Variants in VAV2 observed in about 807,000 individuals in gnomAD.
VAV2 encodes guanine nucleotide exchange factor VAV2.
In VAV2, 67 loss-of-function variants were observed where a neutral mutation model predicts 132.5. That is an observed-to-expected ratio of 0.51 (90% CI 0.42 to 0.62). VAV2 has a LOEUF of 0.62. VAV2 is among the 20% of genes least tolerant of loss of function. The pLI is 0.00. For synonymous variants in VAV2, 492 were observed against 443.5 expected, an observed-to-expected ratio of 1.11 and a Z score of -1.37; for missense variants, 938 against 1,153.6, an observed-to-expected ratio of 0.81 and a Z score of 2.71.
chr9:133,810,998 G>A (rs953108808), intron 5 of VAV2, among the ~76,000 whole-genome samples: 1 of 152,218 alleles, frequency 6.6e-6, no homozygotes, highest in African/African-American at 2.4e-5. Context: ...GACCTCTCAG[G>A]CCAGCTCCGG....
At chr9:133,952,607 A>G (rs374321918) in intron 1 of VAV2, among the ~76,000 whole-genome samples, 669 of 58,162 alleles carry the variant, frequency 0.012, 2 homozygotes, top group African/African-American at 0.033. Flanking sequence ...TGTCTCGGGG[A>G]AAAAAAAAAC....
rs1428133951 is a variant in VAV2 at position 133,918,730 on chromosome 9, C to T, written c.321+20373G>A. Among the ~76,000 whole-genome samples, 3 of 151,832 alleles carry T rather than the reference C, an allele frequency of 2.0e-5. No individual in the cohort carries two copies. In the East Asian group the frequency reaches 5.8e-4, roughly 29 times the overall value. On this transcript the variant is annotated intron_variant, in intron 2 of 29. Coordinates refer to ENST00000371850, the MANE Select transcript of VAV2 (RefSeq NM_001134398.2). The surrounding 1 kb of genome is among the most constrained non-coding windows in gnomAD (Gnocchi z 4.7). ...AGTCCCATTCTCAACCCCTGGGCTC[C>T]TAAGCCTCCCAAGAAGCAGCCGCCA...
At chr9:133,813,581 G>C (rs1835441212) in intron 4 of VAV2, among the ~76,000 whole-genome samples, 1 of 152,258 alleles carries the variant, frequency 6.6e-6, no homozygotes, top group South Asian at 2.1e-4. Context: ...TGTGGGCAAA[G>C]CATCTGTGCC....
chr9:133,859,644 CA>C (rs373814519), intron 3 of VAV2, among the ~76,000 whole-genome samples: 29 of 145,204 alleles, frequency 2.0e-4, no homozygotes, highest in Admixed American at 3.4e-4. Context: ...CAAAACAAAA[CA>C]AAAAAAAAAC....
intron 2 of VAV2, among the ~76,000 whole-genome samples, chr9:133,902,852 G>A (rs1839496320): frequency 6.6e-6 from 1 of 152,124 alleles, no homozygotes; most frequent in African/African-American, 2.4e-5. Flanking sequence ...CAGGTGGATG[G>A]ATCACTTGAG....
chr9:133,873,618 C>T (rs1475607867), intron 2 of VAV2, among the ~76,000 whole-genome samples: 1 of 152,194 alleles, frequency 6.6e-6, no homozygotes, highest in African/African-American at 2.4e-5. Flanking sequence ...AATGCCAGCA[C>T]GGAAGCCCTG....
intron 2 of VAV2, among the ~76,000 whole-genome samples, chr9:133,869,329 G>A (rs1021190688): frequency 6.6e-6 from 1 of 152,116 alleles, no homozygotes; most frequent in African/African-American, 2.4e-5. Context: ...TTTAAGGCCA[G>A]GTGCAGTGGC....
chr9:133,882,816 G>A (rs528556523), intron 2 of VAV2, among the ~76,000 whole-genome samples: 1 of 152,154 alleles, frequency 6.6e-6, no homozygotes, highest in South Asian at 2.1e-4. Context: ...GACCCCTGGG[G>A]CCCCTGAACC....
intron 2 of VAV2, among the ~76,000 whole-genome samples, chr9:133,929,916 A>C (rs1297158880): frequency 1.3e-5 from 2 of 152,178 alleles, no homozygotes; most frequent in Non-Finnish European, 2.9e-5. Context: ...CCCTCTTCAG[A>C]ACCCTTTTTT....
Position 133,928,223 on chromosome 9 carries a change from ATG to A in VAV2, c.321+10878_321+10879del, listed in dbSNP as rs1840551217. Among the ~76,000 whole-genome samples the A allele has an allele frequency of 6.6e-6, 1 of 151,906 alleles. No homozygotes were observed. Among genetic ancestry groups the A allele is most frequent in the Non-Finnish European group, 1.5e-5 (1 of 67,976 alleles). ...TGTGTATGTCTGTGTGTGTGCGTGC[ATG>A]TGTGTGTCTGTGCCCATGTGCAGCA... is the stretch of plus-strand genomic sequence containing the variant. On this transcript the variant is annotated intron_variant, in intron 2 of 29. Coordinates refer to ENST00000371850, the MANE Select transcript of VAV2 (RefSeq NM_001134398.2). This position sits in a 1 kb window ranked among gnomAD's most constrained non-coding sequence, Gnocchi z 5.4.
At position 133,871,538 on chromosome 9, in the gene VAV2, C is replaced by CAG. The variant is rs145636084; in HGVS notation, c.322-10108_322-10107dup. On this transcript the variant is annotated intron_variant, in intron 2 of 29. Transcript: ENST00000371850. ...GATGGTGGGTAGATGGATGCCGACT[C>CAG]AGAGAGATCCCTTTGCCCCAGTCCC... Among the ~76,000 whole-genome samples the CAG allele has an allele frequency of 6.5e-3, 981 of 151,818 alleles. 11 individuals carry two copies. Among genetic ancestry groups the CAG allele is most frequent in the African/African-American group, 0.022 (915 of 41,338 alleles).
intron 12 of VAV2, 102 bp from the exon 13 acceptor site, chr9:133,791,971 CGGGCTGTGCTGGGTGGGGG>C (rs1834484335): frequency 1.8e-5 from 4 of 223,008 alleles, no homozygotes; most frequent in African/African-American, 1.8e-4. Context: ...TGCATGTGAG[CGGGCTGTGCTGGGTGGGGG>C]GTGTGTGACT....
intron 1 of VAV2, among the ~76,000 whole-genome samples, chr9:133,956,934 G>A (rs1216892198): frequency 6.6e-6 from 1 of 152,214 alleles, no homozygotes; most frequent in Non-Finnish European, 1.5e-5. Flanking sequence ...ACTTCAGCAG[G>A]GAGCTGAACT....
chr9:133,877,004 C>T (rs1242083316), intron 2 of VAV2, among the ~76,000 whole-genome samples: 1 of 152,120 alleles, frequency 6.6e-6, no homozygotes, highest in East Asian at 1.9e-4. Context: ...GAGCTTAAAC[C>T]CTTGGTGTGG....
At chr9:133,972,617 T>C (rs146240331) in intron 1 of VAV2, among the ~76,000 whole-genome samples, 1,826 of 152,272 alleles carry the variant, frequency 0.012, 35 homozygotes, top group African/African-American at 0.041. Context: ...ACCCAGAGCA[T>C]GGAGCACAGA....
rs188191716 is a variant in VAV2, at chr9:133,856,545, G to C, written c.380+4829C>G. On this transcript the variant is annotated intron_variant, in intron 3 of 29. Transcript: ENST00000371850. The stretch of plus-strand genomic sequence containing the variant: ...GACACGCCACATAGCTGGGCCTTCA[G>C]ACAGCCTCCCAGCCAATCCAGGGGG... Among the ~76,000 whole-genome samples, 314 of 152,312 alleles carry C rather than the reference G, an allele frequency of 2.1e-3. 6 individuals carry two copies. Among genetic ancestry groups the C allele is most frequent in the African/African-American group, 7.1e-3 (297 of 41,564 alleles).
chr9:133,831,666 C>A (rs949113931), intron 4 of VAV2, among the ~76,000 whole-genome samples: 1 of 152,176 alleles, frequency 6.6e-6, no homozygotes, highest in African/African-American at 2.4e-5. Context: ...TGGGCCCCAT[C>A]GTCCCGGAGC....
At chr9:133,888,958 C>G (rs967985436) in intron 2 of VAV2, among the ~76,000 whole-genome samples, 7 of 152,184 alleles carry the variant, frequency 4.6e-5, no homozygotes, top group African/African-American at 1.7e-4. Flanking sequence ...ACGACACGAA[C>G]AGCATGGAAA....
chr9:133,894,957 C>T (rs565401583), intron 2 of VAV2, among the ~76,000 whole-genome samples: 38 of 152,280 alleles, frequency 2.5e-4, no homozygotes, highest in Admixed American at 1.4e-3. Context: ...CCCTGGCCAT[C>T]GGTGTCACCG....
Sources: gnomAD v4.1 joint callset for allele counts (sites outside exome capture counted in the v4.1 genomes callset) on GRCh38, gnomAD v4.1.1 for gene constraint, Gnocchi (gnomAD v3.1) non-coding constraint, MANE v1.5 for transcripts, NCBI Gene and HGNC (gene_info 2026-07-23, HGNC 2026-07-21) for gene names.